The following ARAP2 variants were observed in gnomAD, a reference collection of about 807,000 sequenced individuals.
The protein encoded by ARAP2 is arf-GAP with Rho-GAP domain, ANK repeat and PH domain-containing protein 2.
A neutral mutation model predicts 194.5 loss-of-function variants in ARAP2; 148 were observed. That is an observed-to-expected ratio of 0.76 (90% CI 0.67 to 0.87). The LOEUF is 0.87. Among genes scored for constraint, ARAP2 ranks in the 40% least tolerant of loss-of-function variants. The pLI, the probability that ARAP2 is intolerant of heterozygous loss-of-function variation, is 0.00. For missense variants in ARAP2, 2,128 were observed against 1,989.7 expected, an observed-to-expected ratio of 1.07 and a Z score of -1.32; for synonymous variants, 695 against 683.5, an observed-to-expected ratio of 1.02 and a Z score of -0.26.
At position 36,030,025 on chromosome 4, in the gene ARAP2, AT is replaced by A. The variant is rs1040304952; in HGVS notation, n.608-10740del. Among the ~76,000 whole-genome samples the A allele has an allele frequency of 4.6e-5, 7 of 152,038 alleles. No homozygotes were observed. In the East Asian group the frequency reaches 1.2e-3, roughly 25 times the overall value. On this transcript the variant is annotated intron_variant and non_coding_transcript_variant, in intron 5 of 12. Coordinates refer to the ARAP2 transcript ENST00000503225. ...TTAAATATATTCAATTGTAATCTTA[AT>A]TTTTTTGCCAAAATTTTACTAGTCA...
chr4:36,178,563 T>A (rs922515782), intron 8 of ARAP2, among the ~76,000 whole-genome samples: 8 of 152,146 alleles, frequency 5.3e-5, no homozygotes, highest in Non-Finnish European at 7.4e-5. Flanking sequence ...CCTGGCAAAT[T>A]AAAATTTGGT....
chr4:36,164,623 T>C (rs954343317), intron 11 of ARAP2, among the ~76,000 whole-genome samples: 2 of 152,184 alleles, frequency 1.3e-5, no homozygotes, highest in African/African-American at 2.4e-5. Flanking sequence ...TCAGGATCCA[T>C]ACTAAAACAT....
At chr4:36,201,486 T>G (rs532027517) in intron 6 of ARAP2, among the ~76,000 whole-genome samples, 49 of 152,300 alleles carry the variant, frequency 3.2e-4, no homozygotes, top group Non-Finnish European at 5.0e-4. Context: ...CTCATTTTGT[T>G]TTTAGGGTTC....
chr4:36,082,436 G>C (rs1729794768), intron 29 of ARAP2, 150 bp from the exon 30 acceptor site: 2 of 748,294 alleles, frequency 2.7e-6, no homozygotes, highest in Admixed American at 2.8e-5. Context: ...GACTTAGCTA[G>C]AGGTGAATGC....
Position 36,168,964 on chromosome 4 carries a change from T to A in ARAP2, c.1858-1917A>T, listed in dbSNP as rs111552929. Among the ~76,000 whole-genome samples, 48 of 152,178 alleles carry A rather than the reference T, an allele frequency of 3.2e-4. 1 individual carries two copies. Among genetic ancestry groups the A allele is most frequent in the African/African-American group, 1.1e-3 (46 of 41,514 alleles). ...GGCACAGGGTTATACTTGATTATTA[T>A]TTTTTTTAAATTCCCCAATTATCCA... On this transcript the variant is annotated intron_variant, in intron 9 of 32. Transcript: ENST00000303965.
intron 5 of ARAP2, among the ~76,000 whole-genome samples, chr4:36,021,993 A>G (rs928759981): frequency 6.6e-6 from 1 of 152,166 alleles, no homozygotes; most frequent in African/African-American, 2.4e-5. Context: ...CCCAGGCCAC[A>G]CACCTTCACA....
chr4:36,227,683 G>C (rs764653614), intron 2 of ARAP2, among the ~76,000 whole-genome samples: 27 of 152,122 alleles, frequency 1.8e-4, no homozygotes, highest in Non-Finnish European at 3.5e-4. Flanking sequence ...TGTGCAGGAC[G>C]TGTGTAAAGC....
intron 19 of ARAP2, among the ~76,000 whole-genome samples, chr4:36,146,238 C>T (rs1480412680): frequency 2.6e-5 from 4 of 152,014 alleles, no homozygotes. Flanking sequence ...TCACTGCTTT[C>T]CTGCCCAGCA....
chr4:36,244,105 C>G (rs1418340104), intron 1 of ARAP2, 74 bp downstream of exon 1: 4 of 152,242 alleles, frequency 2.6e-5, no homozygotes, highest in Non-Finnish European at 5.9e-5. Context: ...AAAGCCCCAG[C>G]CCCTCCAGAC....
chr4:36,177,224 C>A (rs1738148313), intron 9 of ARAP2, among the ~76,000 whole-genome samples: 1 of 152,034 alleles, frequency 6.6e-6, no homozygotes, highest in Non-Finnish European at 1.5e-5. Flanking sequence ...TGACATTAAT[C>A]AAATTTAGTA....
In ARAP2 at chr4:36,152,719, C is replaced by A. The variant is rs574065165; in HGVS notation, c.2753-1675G>T. On this transcript the variant is annotated intron_variant, in intron 15 of 32. Coordinates refer to ENST00000303965, the MANE Select transcript of ARAP2 (RefSeq NM_015230.4). ...AAAATGTCTATAAAATAATCCCTTA[C>A]GATTTAGGAGCCATGTTTCTAAAGT... Among the ~76,000 whole-genome samples the A allele has an allele frequency of 5.3e-5, 8 of 151,444 alleles. No homozygotes were observed. In the East Asian group the frequency reaches 9.7e-4, roughly 18 times the overall value.
At position 36,099,374 on chromosome 4, in the gene ARAP2, C is replaced by T. The variant is rs186426784; in HGVS notation, c.4286-7354G>A. On this transcript the variant is annotated intron_variant, in intron 27 of 32. Coordinates refer to ENST00000303965, the MANE Select transcript of ARAP2 (RefSeq NM_015230.4). ...TGTATTTTGAAAGAAAATATTTCTACTTCTTGAAGGGCATGGGCCTTATCT... is the reference window on the plus strand; with the variant it reads ...TGTATTTTGAAAGAAAATATTTCTATTTCTTGAAGGGCATGGGCCTTATCT... Among the ~76,000 whole-genome samples the T allele has an allele frequency of 9.2e-5, 14 of 152,198 alleles. No individual in the cohort carries two copies. In the East Asian group the frequency reaches 2.3e-3, roughly 25 times the overall value.
chr4:36,167,052 T>C lies in ARAP2; in HGVS notation c.1858-5A>G, dbSNP rs754494866. On this transcript the variant is annotated splice_polypyrimidine_tract_variant and splice_region_variant and intron_variant, in intron 9 of 32. Coordinates refer to ENST00000303965, the MANE Select transcript of ARAP2 (RefSeq NM_015230.4). The stretch of plus-strand genomic sequence containing the variant: ...ACCAAGTCCACTCTTAAAATCCTAG[T>C]TTGGAGAAAAACATAAAAAACTATA... 4.7e-5 allele frequency: 70 copies of C among 1,478,364 alleles called. No homozygotes were observed. Among genetic ancestry groups the C allele is most frequent in the Non-Finnish European group, 6.2e-5 (68 of 1,090,682 alleles). The allele number at this position is 1,478,364 out of a possible 1,614,324, so 91.6% of individuals were successfully genotyped here.
In ARAP2 at chr4:36,183,964, T is replaced by C. The variant is rs960066181; in HGVS notation, c.1678+3487A>G. Reference sequence around the variant, plus strand: ...ACCAAAAGTAAAGAATTCATGTCTGTTAAGACGCCAAAACTTTCCCCTTTT... The same window carrying C: ...ACCAAAAGTAAAGAATTCATGTCTGCTAAGACGCCAAAACTTTCCCCTTTT... On this transcript the variant is annotated intron_variant, in intron 8 of 32. Transcript: ENST00000303965. Among the ~76,000 whole-genome samples the C allele has an allele frequency of 3.7e-4, 56 of 152,318 alleles. 1 individual carries two copies. Among genetic ancestry groups the C allele is most frequent in the African/African-American group, 1.3e-3 (55 of 41,566 alleles).
intron 30 of ARAP2, among the ~76,000 whole-genome samples, chr4:36,081,538 C>T (rs900625618): frequency 5.9e-5 from 9 of 152,168 alleles, no homozygotes; most frequent in African/African-American, 1.9e-4. Flanking sequence ...CGCAACAATT[C>T]TGTGCTTGAT....
At chr4:36,085,837 A>G (rs1711640356) in intron 28 of ARAP2, among the ~76,000 whole-genome samples, 1 of 152,132 alleles carries the variant, frequency 6.6e-6, no homozygotes, top group African/African-American at 2.4e-5. Flanking sequence ...TCTTCTCATA[A>G]GCTTCCACTT....
rs1229545018 is a variant in ARAP2, at chr4:36,043,794, AGAAGG to A, written n.607+2180_607+2184del. The stretch of plus-strand genomic sequence containing the variant: ...AAATAAAGAAAAGAAAGAAGAGAAG[AGAAGG>A]GAAGGGAAGGGAAGGGAAGGGAAGG... On this transcript the variant is annotated intron_variant and non_coding_transcript_variant, in intron 5 of 12. Transcript: ENST00000503225. Among the ~76,000 whole-genome samples the A allele has an allele frequency of 5.4e-3, 146 of 26,898 alleles. 3 individuals are homozygous for A. The highest frequency in any genetic ancestry group is 8.2e-3 in the Non-Finnish European group (98 of 11,916). The allele number at this position is 26,898 out of a possible 152,430, so 17.6% of individuals were successfully genotyped here. A position where few individuals can be genotyped will look rare whatever the true frequency, so the allele number is the denominator to read the frequency against.
At chr4:36,061,667 G>A (rs1014671878), downstream of ARAP2, among the ~76,000 whole-genome samples, 2 of 152,054 alleles carry the variant, frequency 1.3e-5, no homozygotes, top group South Asian at 2.1e-4. Context: ...TCCTTTCTTT[G>A]GGGTATATAT....
chr4:36,025,986 T>C (rs1209493696), intron 5 of ARAP2, among the ~76,000 whole-genome samples: 1 of 152,158 alleles, frequency 6.6e-6, no homozygotes, highest in African/African-American at 2.4e-5. Context: ...AAATGGTTTA[T>C]CTTCACAAAA....
Sources: allele counts gnomAD v4.1 joint callset (sites outside exome capture counted in the v4.1 genomes callset), GRCh38; gene constraint gnomAD v4.1.1; transcripts MANE v1.5; gene names NCBI Gene and HGNC (gene_info 2026-07-23, HGNC 2026-07-21).